The following PALLD variants were observed in gnomAD, a reference collection of about 807,000 sequenced individuals.
The protein encoded by PALLD is palladin.
A neutral mutation model predicts 123.5 loss-of-function variants in PALLD; 61 were observed. That is an observed-to-expected ratio of 0.49 (90% CI 0.40 to 0.61). PALLD has a LOEUF of 0.61. Among genes scored for constraint, PALLD ranks in the 20% least tolerant of loss-of-function variants. PALLD has a pLI of 0.00. For missense variants in PALLD, 1,273 were observed against 1,377.0 expected (o/e 0.92, Z 1.20); for synonymous variants, 465 against 496.4 (o/e 0.94, Z 0.84).
intron 10 of PALLD, among the ~76,000 whole-genome samples, chr4:168,880,204 G>A (rs1220571633): frequency 6.6e-6 from 1 of 152,164 alleles, no homozygotes; most frequent in Non-Finnish European, 1.5e-5. Flanking sequence ...CAAGTAACAG[G>A]AGCACTTGCT....
chr4:168,571,726 T>C (rs1460537429), intron 2 of PALLD, among the ~76,000 whole-genome samples: 3 of 152,190 alleles, frequency 2.0e-5, no homozygotes, highest in Non-Finnish European at 4.4e-5. Context: ...GTAAATTTCA[T>C]GCTATGAACA....
intron 10 of PALLD, among the ~76,000 whole-genome samples, chr4:168,811,761 C>CTCTCTCTT (rs1741154872): frequency 1.0e-5 from 1 of 99,554 alleles, no homozygotes; most frequent in African/African-American, 4.1e-5. Context: ...CTCTCTTTCT[C>CTCTCTCTT]TCTCTCTCTC....
intron 15 of PALLD, among the ~76,000 whole-genome samples, chr4:168,906,962 G>C (rs1757937310): frequency 6.6e-6 from 1 of 152,270 alleles, no homozygotes; most frequent in African/African-American, 2.4e-5. Flanking sequence ...AAAAAACCTA[G>C]GATGAGGCCG....
chr4:168,511,833 C>T lies in PALLD; in HGVS notation c.329C>T (p.Thr110Ile), dbSNP rs1182867988. The change falls in exon 2 of 22, where the codon ACT (threonine) becomes ATT (isoleucine). Residue 110 changes from threonine (T) to isoleucine (I), a missense_variant. Coordinates refer to ENST00000505667, the MANE Select transcript of PALLD (RefSeq NM_001166108.2). ...TPVQPLAEKQ[T>I]KSISSPVSKR... is the part of the protein sequence containing the mutation. Reference sequence around the variant, plus strand: ...GTCCAGCCTCTGGCAGAGAAACAAACTAAGAGTATCTCTTCACCTGTTTCA... The same window carrying T: ...GTCCAGCCTCTGGCAGAGAAACAAATTAAGAGTATCTCTTCACCTGTTTCA... The T allele has an allele frequency of 6.2e-7, 1 of 1,614,118 alleles. No homozygotes were observed.
intron 17 of PALLD, among the ~76,000 whole-genome samples, chr4:168,916,552 CAGG>C (rs1760146719): frequency 6.6e-6 from 1 of 152,074 alleles, no homozygotes; most frequent in South Asian, 2.1e-4. Flanking sequence ...AGAAAGTCAT[CAGG>C]AGGTTTTATT....
chr4:168,832,149 G>C (rs1227019238), intron 10 of PALLD: 4 of 985,428 alleles, frequency 4.1e-6, no homozygotes. Context: ...GGGCAGCAGC[G>C]GGAGGCGGCC....
intron 2 of PALLD, among the ~76,000 whole-genome samples, chr4:168,612,260 A>G (rs1282336895): frequency 6.6e-6 from 1 of 152,102 alleles, no homozygotes; most frequent in African/African-American, 2.4e-5. Context: ...TTTACAAAAA[A>G]AAAAAAAAAA....
At chr4:168,606,205 G>A (rs1380550224) in intron 2 of PALLD, among the ~76,000 whole-genome samples, 1 of 152,156 alleles carries the variant, frequency 6.6e-6, no homozygotes, top group Admixed American at 6.6e-5. Context: ...ATCCTTACGT[G>A]TGATTTTTGG....
intron 10 of PALLD, among the ~76,000 whole-genome samples, chr4:168,715,108 C>A (rs1785220695): frequency 6.6e-6 from 1 of 152,012 alleles, no homozygotes; most frequent in Non-Finnish European, 1.5e-5. Flanking sequence ...GTCTATGATA[C>A]CTCTCATAAA....
chr4:168,866,097 C>T (rs1288805523), intron 10 of PALLD, among the ~76,000 whole-genome samples: 1 of 137,668 alleles, frequency 7.3e-6, no homozygotes, highest in African/African-American at 2.9e-5. Flanking sequence ...CCTGTCTCTA[C>T]TAAAAAAAAA....
chr4:168,790,608 G>A (rs1001124361), intron 10 of PALLD, among the ~76,000 whole-genome samples: 7 of 152,016 alleles, frequency 4.6e-5, no homozygotes, highest in Non-Finnish European at 1.0e-4. Flanking sequence ...TATCATTCTC[G>A]AAATTATTCA....
chr4:168,746,856 CAT>C (rs201336744), intron 10 of PALLD, among the ~76,000 whole-genome samples: 4,551 of 152,224 alleles, frequency 0.03, 195 homozygotes, highest in African/African-American at 0.094. Context: ...ACTGAGAAGA[CAT>C]TAATGAAAAT....
rs907809263 is a variant in PALLD, at chr4:168,869,810, A to C, written c.1965-21112A>C. 6.6e-6 allele frequency among the ~76,000 whole-genome samples: 1 copy of C among 150,906 alleles called. No homozygotes were observed. Among genetic ancestry groups the C allele is most frequent in the Non-Finnish European group, 1.5e-5 (1 of 68,004 alleles). ...AATTCAGGACTGAGGGCTGGGTTAG[A>C]GAGATCAGGGAGTGAGAGTGATGCA... On this transcript the variant is annotated intron_variant, in intron 10 of 21. Transcript: ENST00000505667. This position sits in a 1 kb window ranked among gnomAD's most constrained non-coding sequence, Gnocchi z 4.5.
intron 2 of PALLD, among the ~76,000 whole-genome samples, chr4:168,575,161 C>T (rs920232847): frequency 7.9e-5 from 12 of 152,106 alleles, no homozygotes; most frequent in African/African-American, 2.7e-4. Flanking sequence ...TCAGAATCAC[C>T]TGGAGGGCTT....
chr4:168,876,601 C>A (rs1012872752), intron 10 of PALLD, among the ~76,000 whole-genome samples: 7 of 152,180 alleles, frequency 4.6e-5, no homozygotes, highest in African/African-American at 9.7e-5. Context: ...TTAGAACTTG[C>A]TGATGTTCCC....
Position 168,924,355 on chromosome 4 carries a change from G to A in PALLD, c.3159G>A (p.Val1053=), listed in dbSNP as rs372166299. The A allele has an allele frequency of 1.2e-6, 2 of 1,613,792 alleles. No individual in the cohort carries two copies. The highest frequency in any genetic ancestry group is 2.7e-5 in the African/African-American group (2 of 74,896). ...PVRLECRVLG[V]PPPQIFWKKE... Reference sequence around the variant, plus strand: ...GGCTGGAATGTCGTGTATTGGGAGTGCCACCACCTCAGATATTTTGGAAGA... The same window carrying A: ...GGCTGGAATGTCGTGTATTGGGAGTACCACCACCTCAGATATTTTGGAAGA... Residue 1053 remains valine (V), a synonymous_variant, in exon 19 of 22, where the codon GTG becomes GTA. Coordinates refer to ENST00000505667, the MANE Select transcript of PALLD (RefSeq NM_001166108.2).
At chr4:168,905,133 T>G (rs1487569049) in intron 15 of PALLD, among the ~76,000 whole-genome samples, 1 of 129,342 alleles carries the variant, frequency 7.7e-6, no homozygotes, top group Admixed American at 8.7e-5. Context: ...TTTTTTGTTT[T>G]GTTGGTTTTT....
chr4:168,631,424 G>C (rs1775786841), intron 2 of PALLD, among the ~76,000 whole-genome samples: 1 of 152,226 alleles, frequency 6.6e-6, no homozygotes, highest in Admixed American at 6.5e-5. Context: ...GAACTTGCCT[G>C]TTACCTTCTT....
chr4:168,545,051 A>G (rs1437208968), intron 2 of PALLD, among the ~76,000 whole-genome samples: 2 of 152,206 alleles, frequency 1.3e-5, no homozygotes, highest in African/African-American at 4.8e-5. Context: ...TAACTCTCTC[A>G]GCCTGTGAGA....
Sources: allele counts gnomAD v4.1 joint callset (sites outside exome capture counted in the v4.1 genomes callset), GRCh38; gene constraint gnomAD v4.1.1; non-coding constraint Gnocchi (gnomAD v3.1); transcripts MANE v1.5; gene names NCBI Gene and HGNC (gene_info 2026-07-23, HGNC 2026-07-21).